Variants in VWA2 observed in about 807,000 individuals in gnomAD.
VWA2 encodes von Willebrand factor A domain-containing protein 2.
Under a neutral mutation model 70.4 loss-of-function variants are expected in VWA2, and 73 were observed. That is an observed-to-expected ratio of 1.04 (90% CI 0.86 to 1.26). The LOEUF (loss-of-function observed/expected upper bound fraction) is 1.26. Among genes scored for constraint, VWA2 ranks in the 50% most tolerant of loss-of-function variants. The probability of loss-of-function intolerance (pLI) is 0.00; values close to 1 mark genes in which losing one functional copy is unlikely to be tolerated. For synonymous variants in VWA2, 407 were observed against 423.3 expected, an observed-to-expected ratio of 0.96 and a Z score of 0.47; for missense variants, 1,011 against 998.5, an observed-to-expected ratio of 1.01 and a Z score of -0.17.
chr10:114,289,628 A>AC (rs1437937646), intron 12 of VWA2, 139 bp downstream of exon 12: 1 of 929,120 alleles, frequency 1.1e-6, no homozygotes, highest in Admixed American at 2.2e-5. Flanking sequence ...TCTGTGCTAA[A>AC]CCCCATGCTC....
chr10:114,261,336 A>G (rs1240908324), intron 5 of VWA2, 41 bp downstream of exon 5: 2 of 1,550,680 alleles, frequency 1.3e-6, no homozygotes, highest in South Asian at 1.1e-5. Flanking sequence ...GGTGACGCCA[A>G]CTGCTCTTAA....
chr10:114,291,105 G>A (rs906636382), intron 13 of VWA2, 113 bp from the exon 14 acceptor site: 4 of 1,236,552 alleles, frequency 3.2e-6, no homozygotes, highest in Admixed American at 4.0e-5. Flanking sequence ...TTCTGCTGGG[G>A]GCGAGGTGGG....
chr10:114,264,868 C>T (rs900554059), intron 5 of VWA2, among the ~76,000 whole-genome samples: 3 of 152,122 alleles, frequency 2.0e-5, no homozygotes, highest in Non-Finnish European at 4.4e-5. Flanking sequence ...TATAGGCGCT[C>T]GTCACCATGC....
intron 13 of VWA2, 27 bp downstream of exon 13, chr10:114,290,392 G>A (rs2039459126): frequency 1.3e-6 from 2 of 1,549,560 alleles, no homozygotes; most frequent in South Asian, 2.4e-5. Flanking sequence ...CTCTGTATGT[G>A]TGAGCCAGGG....
chr10:114,277,386 G>T (rs2037871166), intron 6 of VWA2, among the ~76,000 whole-genome samples: 1 of 151,718 alleles, frequency 6.6e-6, no homozygotes, highest in African/African-American at 2.4e-5. Flanking sequence ...GTTTCATCAT[G>T]TTAGCTAGGC....
chr10:114,291,219 A>T lies in VWA2; in HGVS notation c.2250A>T (p.Arg750=), dbSNP rs772761997. 18 of 1,550,400 alleles carry T rather than the reference A, an allele frequency of 1.2e-5. No individual in the cohort carries two copies. The highest frequency in any genetic ancestry group is 1.6e-5 in the Non-Finnish European group (18 of 1,146,972). The change falls in exon 14 of 14, where the codon CGA becomes CGT. Residue 750 remains arginine, a splice_region_variant and synonymous_variant. Coordinates refer to ENST00000392982, the MANE Select transcript of VWA2 (RefSeq NM_001272046.2). Reference sequence around the variant, plus strand: ...CTCAGACTTCACTTCCTTCCCCAGGATTCTTGAGACGCCCCTGAGGCACAT... The same window carrying T: ...CTCAGACTTCACTTCCTTCCCCAGGTTTCTTGAGACGCCCCTGAGGCACAT... ...DGWEGPHCEN[R]FLRRP is the part of the protein sequence containing the mutation.
At chr10:114,289,526 A>G (rs774429855) in intron 12 of VWA2, 37 bp downstream of exon 12, 8 of 1,607,874 alleles carry the variant, frequency 5.0e-6, no homozygotes, top group Non-Finnish European at 6.8e-6. Context: ...GGCTGCCCCC[A>G]TGGCAGGCCC....
chr10:114,257,698 A>T (rs2037360709), intron 4 of VWA2, among the ~76,000 whole-genome samples: 1 of 152,168 alleles, frequency 6.6e-6, no homozygotes, highest in Non-Finnish European at 1.5e-5. Flanking sequence ...GCGTGTGAGG[A>T]GGGAGTGGTG....
rs1464908002 is a variant in VWA2, at chr10:114,256,925, A to G, written c.261+1877A>G. ...ACACCGTCTCAAAAAAAAAAAAAAA[A>G]AAAAAAATTAAGAGATGATGTAGCC... On this transcript the variant is annotated intron_variant, in intron 4 of 13. Coordinates refer to ENST00000392982, the MANE Select transcript of VWA2 (RefSeq NM_001272046.2). 4.0e-5 allele frequency among the ~76,000 whole-genome samples: 6 copies of G among 151,794 alleles called. No homozygotes were observed. The South Asian group carries it at 1.2e-3, about 32-fold the overall frequency.
chr10:114,244,739 G>C (rs554097508), intron 1 of VWA2, among the ~76,000 whole-genome samples: 1 of 152,352 alleles, frequency 6.6e-6, no homozygotes, highest in South Asian at 2.1e-4. Flanking sequence ...GAGATGACTG[G>C]ATGGGAATAG....
chr10:114,239,892 G>A (rs1020082316), intron 1 of VWA2, among the ~76,000 whole-genome samples: 1 of 152,214 alleles, frequency 6.6e-6, no homozygotes, highest in African/African-American at 2.4e-5. Context: ...AGGGGCTCCG[G>A]GTACAGGGGT....
chr10:114,250,061 C>A (rs971747073), intron 2 of VWA2, among the ~76,000 whole-genome samples: 2 of 152,190 alleles, frequency 1.3e-5, no homozygotes, highest in East Asian at 3.9e-4. Flanking sequence ...TCCTTAGGCC[C>A]CAGCACAATT....
chr10:114,253,688 C>G lies in VWA2; in HGVS notation c.90C>G (p.Ser30Arg), dbSNP rs750989598. 2 of 1,612,362 alleles carry G rather than the reference C, an allele frequency of 1.2e-6. No homozygotes were observed. The highest frequency in any genetic ancestry group is 2.2e-5 in the South Asian group (2 of 91,022). Residue 30 changes from serine to arginine, a missense_variant, in exon 3 of 14, where the codon AGC (serine) becomes AGG (arginine). Ser to Arg is a moderately radical substitution (Grantham distance 110, BLOSUM62 -1). Transcript: ENST00000392982. ...PSLPLQEVHV[S>R]KETIGKISAA... ...TCCCTCTCCAGGAAGTCCATGTAAG[C>G]AAAGAAACCATCGGGAAGATTTCAG... is the stretch of plus-strand genomic sequence containing the variant.
intron 5 of VWA2, among the ~76,000 whole-genome samples, chr10:114,261,868 G>A (rs1318988201): frequency 6.6e-6 from 1 of 152,162 alleles, no homozygotes; most frequent in Non-Finnish European, 1.5e-5. Context: ...TGGTTGCGCA[G>A]GCTGTACAGG....
chr10:114,265,522 A>C (rs185942569), intron 5 of VWA2, among the ~76,000 whole-genome samples: 206 of 152,306 alleles, frequency 1.4e-3, no homozygotes, highest in African/African-American at 4.8e-3. Context: ...AAGAAGAAAC[A>C]GGGGCCCTGG....
At chr10:114,251,163 G>A (rs188666282) in intron 2 of VWA2, among the ~76,000 whole-genome samples, 46 of 152,352 alleles carry the variant, frequency 3.0e-4, no homozygotes, top group African/African-American at 6.7e-4. Context: ...GCGCAATAGC[G>A]TCACCCATCC....
chr10:114,247,233 T>C (rs1227759164), intron 1 of VWA2, among the ~76,000 whole-genome samples: 2 of 152,212 alleles, frequency 1.3e-5, no homozygotes, highest in Admixed American at 6.5e-5. Context: ...ATTTGTTCTC[T>C]GGTGGCATTC....
rs1308624756 is a variant in VWA2, at chr10:114,291,359, C to T, written c.*122C>T. On this transcript the variant is annotated 3_prime_UTR_variant, in exon 14 of 14. Transcript: ENST00000392982. ...TCTGTGCCCCAGGTCCTTAGAATGT[C>T]TGCTTCCCGCCGTGGCCAGGACCAC... is the stretch of plus-strand genomic sequence containing the variant. 1.1e-5 allele frequency: 13 copies of T among 1,213,470 alleles called. No homozygotes were observed. In the East Asian group the frequency reaches 2.9e-4, roughly 27 times the overall value. The allele number at this position is 1,213,470 out of a possible 1,614,324, so 75.2% of individuals were successfully genotyped here.
Position 114,272,902 on chromosome 10 carries a change from C to T in VWA2, c.534C>T (p.Val178=). ...CCAAGCAGCTGAAGGAAAGGGGTGT[C>T]ACTGTGTTTGCTGTGGGGGTCAGGT... ...LPSKQLKERG[V]TVFAVGVRFP... Residue 178 remains valine (V), a synonymous_variant, in exon 6 of 14, where the codon GTC becomes GTT. Transcript: ENST00000392982. 6.2e-7 allele frequency: 1 copy of T among 1,613,408 alleles called. No homozygotes were observed. Among genetic ancestry groups the T allele is most frequent in the South Asian group, 1.1e-5 (1 of 90,878 alleles).
Sources: gnomAD v4.1 joint callset for allele counts (sites outside exome capture counted in the v4.1 genomes callset) on GRCh38, gnomAD v4.1.1 for gene constraint, MANE v1.5 for transcripts, NCBI Gene and HGNC (gene_info 2026-07-23, HGNC 2026-07-21) for gene names.